Variants in SETD5 observed in about 807,000 individuals in gnomAD.
SETD5 encodes histone-lysine N-methyltransferase SETD5.
SETD5 carries 44 observed loss-of-function variants against 153.3 expected under a neutral mutation model. That is an observed-to-expected ratio of 0.29 (90% CI 0.23 to 0.37). The LOEUF is 0.37. SETD5 is among the 10% of genes least tolerant of loss of function. The probability of loss-of-function intolerance (pLI) is 1.00; values close to 1 mark genes in which losing one functional copy is unlikely to be tolerated. For missense variants in SETD5, 1,544 were observed against 1,768.0 expected (o/e 0.87, Z 2.27); for synonymous variants, 716 against 645.2 (o/e 1.11, Z -1.66).
chr3:9,454,488 A>G (rs937195811), intron 17 of SETD5, among the ~76,000 whole-genome samples: 3 of 151,942 alleles, frequency 2.0e-5, no homozygotes, highest in African/African-American at 7.3e-5. Context: ...GTGTGGTGGC[A>G]GGTGCCTGTA....
intron 2 of SETD5, among the ~76,000 whole-genome samples, chr3:9,425,051 G>GTTTGTTTTTT (rs1559380190): frequency 1.1e-5 from 1 of 91,452 alleles, no homozygotes; most frequent in Non-Finnish European, 2.2e-5. Context: ...TACCGACAAT[G>GTTTGTTTTTT]TTTCTTTTTT....
At chr3:9,420,368 G>A (rs555016828) in intron 1 of SETD5, among the ~76,000 whole-genome samples, 20 of 151,908 alleles carry the variant, frequency 1.3e-4, no homozygotes, top group East Asian at 7.7e-4. Context: ...AGTTTTTTAC[G>A]GAGAAGGAAA....
intron 2 of SETD5, among the ~76,000 whole-genome samples, chr3:9,425,049 A>ATGTTTTTTTTTT (rs1559380157): frequency 8.1e-6 from 1 of 123,392 alleles, no homozygotes; most frequent in African/African-American, 3.7e-5. Flanking sequence ...GTTACCGACA[A>ATGTTTTTTTTTT]TGTTTCTTTT....
rs1313452126 is a variant in SETD5 at position 9,475,565 on chromosome 3, A to G, written c.3803A>G (p.Gln1268Arg). 6.2e-7 allele frequency: 1 copy of G among 1,613,910 alleles called. No individual in the cohort carries two copies. ...SSSPFRGHPT[Q>R]SPGYSYRTTA... ...TCCCCCTTCAGAGGACATCCTACAC[A>G]GTCTCCAGGATACAGTTATCGAACT... The change falls in exon 23 of 23, where the codon CAG becomes CGG. Residue 1268 changes from glutamine to arginine, a missense_variant. Around this residue, in one of 9 missense-constraint regions of SETD5, gnomAD observed 302 missense variants for 277.6 expected, o/e 1.09. Transcript: ENST00000402198.
At chr3:9,441,774 A>T (rs773917147) in intron 9 of SETD5, 33 bp downstream of exon 9, 3 of 1,613,512 alleles carry the variant, frequency 1.9e-6, no homozygotes, top group Non-Finnish European at 2.5e-6. Flanking sequence ...AGTGAGGGCT[A>T]AGGTGGACCT....
chr3:9,434,565 T>C lies in SETD5; in HGVS notation c.329+80T>C. On this transcript the variant is annotated intron_variant, in intron 5 of 22. Transcript: ENST00000402198. This position sits in a 1 kb window ranked among gnomAD's most constrained non-coding sequence, Gnocchi z 5.6. Reference sequence around the variant, plus strand: ...TACAAGTAGGGAAAAGCTCAAAGTATTCTTTCTTGTGTTTGTTAATGTAGA... The same window carrying C: ...TACAAGTAGGGAAAAGCTCAAAGTACTCTTTCTTGTGTTTGTTAATGTAGA... 1 of 1,583,914 alleles carries C rather than the reference T, an allele frequency of 6.3e-7. No homozygotes were observed. Among genetic ancestry groups the C allele is most frequent in the East Asian group, 2.3e-5 (1 of 44,240 alleles).
At chr3:9,403,652 C>G (rs2035189178) in intron 1 of SETD5, among the ~76,000 whole-genome samples, 1 of 152,172 alleles carries the variant, frequency 6.6e-6, no homozygotes, top group Admixed American at 6.5e-5. Context: ...AGATTACTCC[C>G]TCCCCCACCT....
chr3:9,440,186 GGATGA>G (rs1331242098), intron 7 of SETD5, among the ~76,000 whole-genome samples: 6 of 152,112 alleles, frequency 3.9e-5, no homozygotes, highest in Non-Finnish European at 7.4e-5. Context: ...CACAGTGATG[GGATGA>G]AACTATGATC....
At chr3:9,468,270 T>TA (rs890058630) in intron 18 of SETD5, among the ~76,000 whole-genome samples, 2 of 152,150 alleles carry the variant, frequency 1.3e-5, no homozygotes, top group African/African-American at 4.8e-5. Flanking sequence ...GATGTTTACT[T>TA]ACAGCATGAA....
At chr3:9,441,915 A>C (rs1422121906) in intron 9 of SETD5, among the ~76,000 whole-genome samples, 174 bp downstream of exon 9, 1 of 152,208 alleles carries the variant, frequency 6.6e-6, no homozygotes, top group African/African-American at 2.4e-5. Flanking sequence ...CAAATTGTTC[A>C]ATGTATAAAA....
intron 1 of SETD5, among the ~76,000 whole-genome samples, chr3:9,421,819 A>G (rs1204324019): frequency 6.6e-6 from 1 of 152,174 alleles, no homozygotes. Flanking sequence ...CTTCAGAGCT[A>G]TTCTGTATAT....
intron 17 of SETD5, among the ~76,000 whole-genome samples, chr3:9,462,796 T>G (rs1265555170): frequency 6.6e-6 from 1 of 152,098 alleles, no homozygotes; most frequent in African/African-American, 2.4e-5. Context: ...TTTGTCTCTC[T>G]CCACACATCA....
At chr3:9,431,821 C>T in intron 3 of SETD5, 1 of 718,984 alleles carries the variant, frequency 1.4e-6, no homozygotes, top group Non-Finnish European at 1.7e-6. Context: ...TTCCTTTTTC[C>T]TGTCCCCCTC....
At position 9,443,360 on chromosome 3, in the gene SETD5, C is replaced by A; in HGVS notation, c.1130C>A (p.Ser377Tyr). 1 of 1,515,764 alleles carries A rather than the reference C, an allele frequency of 6.6e-7. No homozygotes were observed. The highest frequency in any genetic ancestry group is 8.8e-7 in the Non-Finnish European group (1 of 1,131,376). 93.9% of individuals were successfully genotyped at this position (1,515,764 alleles called of 1,614,324 possible). Residue 377 changes from serine (S) to tyrosine (Y), a missense_variant, in exon 11 of 23, where the codon TCT becomes TAT. Transcript: ENST00000402198. ...GMIHLCIYAV[S>Y]AITKDAEVTI... ...ATTCACCTGTGCATCTATGCTGTGT[C>A]TGCCATCACCAAGGATGCTGAGGTC...
At chr3:9,440,729 G>C in intron 8 of SETD5, 31 bp downstream of exon 8, 1 of 1,597,588 alleles carries the variant, frequency 6.3e-7, no homozygotes, top group Non-Finnish European at 8.5e-7. Context: ...GACTCTCTAA[G>C]TAGCTGAAAT....
intron 18 of SETD5, among the ~76,000 whole-genome samples, chr3:9,466,629 A>T (rs950206129): frequency 6.6e-6 from 1 of 152,190 alleles, no homozygotes; most frequent in Non-Finnish European, 1.5e-5. Flanking sequence ...CACCATTTTA[A>T]TGGCCATACT....
chr3:9,400,682 G>A (rs1191978912), intron 1 of SETD5, among the ~76,000 whole-genome samples: 1 of 152,042 alleles, frequency 6.6e-6, no homozygotes, highest in African/African-American at 2.4e-5. Flanking sequence ...TATACATGTT[G>A]GATATAGCCT....
At chr3:9,457,274 G>A (rs2043372084) in intron 17 of SETD5, among the ~76,000 whole-genome samples, 1 of 152,050 alleles carries the variant, frequency 6.6e-6, no homozygotes, top group African/African-American at 2.4e-5. Context: ...GGATCACAAG[G>A]TCAGGAGATC....
intron 1 of SETD5, among the ~76,000 whole-genome samples, chr3:9,400,914 C>G (rs943695243): frequency 6.6e-6 from 1 of 152,212 alleles, no homozygotes; most frequent in African/African-American, 2.4e-5. Flanking sequence ...GAACCACCAC[C>G]ACCAATTATA....
Sources: allele counts gnomAD v4.1 joint callset (sites outside exome capture counted in the v4.1 genomes callset), GRCh38; gene constraint gnomAD v4.1.1; regional missense constraint gnomAD v4.1.1; non-coding constraint Gnocchi (gnomAD v3.1); transcripts MANE v1.5; gene names NCBI Gene and HGNC (gene_info 2026-07-23, HGNC 2026-07-21).